The following MDFIC variants were observed in gnomAD, a reference collection of about 807,000 sequenced individuals.
MDFIC encodes the protein myoD family inhibitor domain-containing protein.
In MDFIC, 17 loss-of-function variants were observed where a neutral mutation model predicts 23.2. That is an observed-to-expected ratio of 0.73 (90% CI 0.50 to 1.10). MDFIC has a LOEUF of 1.10. Among genes scored for constraint, MDFIC ranks in the 50% least tolerant of loss-of-function variants. The pLI is 0.00. For synonymous variants in MDFIC, 120 were observed against 115.2 expected (o/e 1.04, Z -0.27); for missense variants, 356 against 316.6 (o/e 1.12, Z -0.95).
chr7:114,981,977 C>G (rs532348823), intron 4 of MDFIC, among the ~76,000 whole-genome samples: 176 of 152,356 alleles, frequency 1.2e-3, no homozygotes, highest in Middle Eastern at 3.4e-3. Context: ...ATTCTCAATT[C>G]TGCCACCAGC....
At chr7:114,958,378 T>C (rs1366088067) in intron 3 of MDFIC, among the ~76,000 whole-genome samples, 1 of 152,210 alleles carries the variant, frequency 6.6e-6, no homozygotes, top group Non-Finnish European at 1.5e-5. Flanking sequence ...TACGCTCTCT[T>C]CTTATTTTTT....
chr7:114,990,873 A>T (rs1266904890), intron 4 of MDFIC, among the ~76,000 whole-genome samples: 3 of 152,100 alleles, frequency 2.0e-5, no homozygotes, highest in Admixed American at 6.5e-5. Flanking sequence ...CAGTAATGGG[A>T]TGGCTGGGTC....
At chr7:114,952,084 A>G (rs1157206464) in intron 3 of MDFIC, among the ~76,000 whole-genome samples, 6 of 152,256 alleles carry the variant, frequency 3.9e-5, no homozygotes, top group Admixed American at 3.9e-4. Flanking sequence ...TCTGGTAAAC[A>G]TAAAGTAATA....
intron 2 of MDFIC, among the ~76,000 whole-genome samples, chr7:114,926,024 T>C (rs903607125): frequency 3.9e-5 from 6 of 152,256 alleles, no homozygotes; most frequent in Admixed American, 1.3e-4. Flanking sequence ...TCAGTTATAC[T>C]TTATTTTAAG....
Position 114,979,549 on chromosome 7 carries a change from G to T in MDFIC, c.261G>T (p.Val87=). Residue 87 remains valine (V), a synonymous_variant, in exon 4 of 5, where the codon GTG becomes GTT. Coordinates refer to ENST00000393486, the MANE Select transcript of MDFIC (RefSeq NM_001166345.3). The stretch of plus-strand genomic sequence containing the variant: ...CTCAGCTTCAGACTTCAGCCCAGGT[G>T]CCAAGTGGTGAGGAAATAGGCAAGA... ...RLPQLQTSAQ[V]PSGEEIGKIK... is the part of the protein sequence containing the mutation. 2.5e-6 allele frequency: 4 copies of T among 1,613,974 alleles called. No homozygotes were observed. Among genetic ancestry groups the T allele is most frequent in the Non-Finnish European group, 3.4e-6 (4 of 1,179,922 alleles).
At chr7:114,935,317 T>C (rs1342371910) in intron 2 of MDFIC, among the ~76,000 whole-genome samples, 1 of 152,108 alleles carries the variant, frequency 6.6e-6, no homozygotes, top group East Asian at 1.9e-4. Flanking sequence ...TTATCAAATA[T>C]TTAATTGAAG....
chr7:115,008,222 G>A (rs1791611121), intron 4 of MDFIC, among the ~76,000 whole-genome samples: 1 of 151,682 alleles, frequency 6.6e-6, no homozygotes, highest in African/African-American at 2.4e-5. Context: ...ATAGGATGGA[G>A]ATGGAGTCTA....
chr7:114,923,554 C>G (rs1028975660), intron 2 of MDFIC: 2 of 1,534,968 alleles, frequency 1.3e-6, no homozygotes, highest in Non-Finnish European at 1.7e-6. Context: ...CTCTACCACC[C>G]GGTTGATAAT....
intron 4 of MDFIC, 58 bp from the exon 5 acceptor site, chr7:115,015,630 C>T (rs1469536155): frequency 5.7e-6 from 9 of 1,572,506 alleles, no homozygotes; most frequent in Admixed American, 3.5e-5. Context: ...ATTGATAACA[C>T]GTATTTTGTG....
chr7:114,978,450 A>C (rs4517056), intron 3 of MDFIC, among the ~76,000 whole-genome samples: 74,508 of 151,796 alleles, frequency 0.49, 18,717 homozygotes, highest in Non-Finnish European at 0.56. Flanking sequence ...AATTTTTGCC[A>C]TAAAACCTCT....
intron 4 of MDFIC, among the ~76,000 whole-genome samples, chr7:114,993,815 T>G (rs561152469): frequency 7.7e-4 from 117 of 152,312 alleles, no homozygotes; most frequent in African/African-American, 2.4e-3. Context: ...CTGAGAAGAA[T>G]GTATATTCTG....
intron 2 of MDFIC, among the ~76,000 whole-genome samples, chr7:114,929,275 T>G (rs995561853): frequency 6.6e-6 from 1 of 151,984 alleles, no homozygotes. Flanking sequence ...CCTGGCTAAT[T>G]TTTTGTATTT....
At chr7:114,970,318 A>T (rs917488433) in intron 3 of MDFIC, among the ~76,000 whole-genome samples, 1 of 152,190 alleles carries the variant, frequency 6.6e-6, no homozygotes, top group Non-Finnish European at 1.5e-5. Flanking sequence ...GAACAGTCAT[A>T]AGCATTTATT....
chr7:115,003,384 G>A (rs983569104), intron 4 of MDFIC, among the ~76,000 whole-genome samples: 10 of 152,128 alleles, frequency 6.6e-5, no homozygotes, highest in African/African-American at 1.7e-4. Flanking sequence ...CCCAGACTTA[G>A]CAAGGCTCAC....
intron 4 of MDFIC, among the ~76,000 whole-genome samples, chr7:114,983,950 A>G (rs1277592211): frequency 6.6e-6 from 1 of 152,150 alleles, no homozygotes; most frequent in Non-Finnish European, 1.5e-5. Context: ...TATGAATTAT[A>G]TGAAATTATC....
chr7:114,923,515 C>G (rs1425045414), intron 2 of MDFIC: 1 of 1,537,596 alleles, frequency 6.5e-7, no homozygotes, highest in Admixed American at 2.0e-5. Context: ...GCACTTACTC[C>G]ATTTCATCTT....
intron 3 of MDFIC, among the ~76,000 whole-genome samples, chr7:114,975,784 T>A (rs1793297406): frequency 6.6e-6 from 1 of 152,158 alleles, no homozygotes; most frequent in Non-Finnish European, 1.5e-5. Flanking sequence ...AGATAGCTAA[T>A]GTATTTAAGG....
At chr7:114,991,661 G>A (rs1791166141) in intron 4 of MDFIC, among the ~76,000 whole-genome samples, 1 of 152,196 alleles carries the variant, frequency 6.6e-6, no homozygotes, top group South Asian at 2.1e-4. Context: ...CATGGTTGTA[G>A]ATGTGTGGTA....
intron 3 of MDFIC, among the ~76,000 whole-genome samples, chr7:114,967,768 A>G (rs1348771626): frequency 6.6e-6 from 1 of 151,944 alleles, no homozygotes; most frequent in Non-Finnish European, 1.5e-5. Flanking sequence ...CAATTAGAGG[A>G]AAAACATCTG....
Sources: gnomAD v4.1 joint callset for allele counts (sites outside exome capture counted in the v4.1 genomes callset) on GRCh38, gnomAD v4.1.1 for gene constraint, MANE v1.5 for transcripts, NCBI Gene and HGNC (gene_info 2026-07-23, HGNC 2026-07-21) for gene names.